TSNARE1: variants seen among roughly 807,000 people sequenced by gnomAD.
TSNARE1 encodes t-SNARE domain containing 1.
In TSNARE1, 49 loss-of-function variants were observed where a neutral mutation model predicts 62.0. The observed-to-expected ratio is 0.79, with a 90% CI of 0.63 to 1.00. The LOEUF (loss-of-function observed/expected upper bound fraction) is 1.00. Among genes scored for constraint, TSNARE1 ranks in the 50% least tolerant of loss-of-function variants. The probability of loss-of-function intolerance (pLI) is 0.00; values close to 1 mark genes in which losing one functional copy is unlikely to be tolerated. For missense variants in TSNARE1, 755 were observed against 700.1 expected (o/e 1.08, Z -0.88); for synonymous variants, 328 against 294.4 (o/e 1.11, Z -1.17).
At chr8:142,359,373 C>T (rs1044077480) in intron 1 of TSNARE1, among the ~76,000 whole-genome samples, 6 of 152,188 alleles carry the variant, frequency 3.9e-5, no homozygotes, top group African/African-American at 1.4e-4. Flanking sequence ...GCATCATCAC[C>T]CCAGCCCTGC....
intron 4 of TSNARE1, among the ~76,000 whole-genome samples, chr8:142,333,503 A>G (rs999678743): frequency 2.0e-5 from 3 of 152,030 alleles, no homozygotes; most frequent in African/African-American, 7.2e-5. Context: ...TGCCGAGGGG[A>G]CCCTCCCAAC....
intron 11 of TSNARE1, chr8:142,276,967 A>G (rs1030187885): frequency 1.0e-6 from 1 of 985,338 alleles, no homozygotes; most frequent in African/African-American, 1.7e-5. Context: ...CAGTGCACAG[A>G]GATGCACAAG....
intron 12 of TSNARE1, among the ~76,000 whole-genome samples, chr8:142,239,527 T>C (rs1817588412): frequency 1.3e-5 from 2 of 152,144 alleles, no homozygotes. Flanking sequence ...AAATACAAGA[T>C]TGAAATAAAG....
At chr8:142,251,191 C>A (rs1272291663) in intron 12 of TSNARE1, among the ~76,000 whole-genome samples, 1 of 151,982 alleles carries the variant, frequency 6.6e-6, no homozygotes, top group Non-Finnish European at 1.5e-5. Flanking sequence ...CCTACAGGCC[C>A]CCACCGCCTT....
At chr8:142,344,657 C>T (rs1039194683) in intron 3 of TSNARE1, among the ~76,000 whole-genome samples, 185 bp from the exon 4 acceptor site, 5 of 152,244 alleles carry the variant, frequency 3.3e-5, no homozygotes, top group Admixed American at 3.3e-4. Context: ...AGCCCTGACA[C>T]TGCCTCACCA....
At position 142,257,321 on chromosome 8, in the gene TSNARE1, C is replaced by T. The variant is rs117251831; in HGVS notation, c.1446+17460G>A. ...GACAGGACAAGGTCCTCTGCAGGGC[C>T]GGTGCTCAGGAGGGGCCTGCGGAGG... On this transcript the variant is annotated intron_variant, in intron 12 of 13. Transcript: ENST00000524325. 8.0e-4 allele frequency among the ~76,000 whole-genome samples: 122 copies of T among 152,252 alleles called. No homozygotes were observed. The East Asian group carries it at 0.023, about 29-fold the overall frequency.
At chr8:142,225,454 G>A (rs1189193717) in intron 13 of TSNARE1, among the ~76,000 whole-genome samples, 3 of 151,614 alleles carry the variant, frequency 2.0e-5, no homozygotes, top group Non-Finnish European at 2.9e-5. Flanking sequence ...CCTGCCAGGT[G>A]CTCACATGCG....
intron 12 of TSNARE1, among the ~76,000 whole-genome samples, chr8:142,260,681 C>T (rs771239929): frequency 4.6e-5 from 7 of 151,958 alleles, no homozygotes; most frequent in South Asian, 4.1e-4. Flanking sequence ...CTGAGTCCCC[C>T]GGGAAAGATC....
intron 9 of TSNARE1, among the ~76,000 whole-genome samples, chr8:142,313,103 C>T (rs879669032): frequency 3.6e-4 from 54 of 150,370 alleles, no homozygotes; most frequent in Admixed American, 1.1e-3. Flanking sequence ...TTCATGTCTG[C>T]GTGACTGTTT....
chr8:142,376,292 G>A (rs1303103309), intron 1 of TSNARE1, among the ~76,000 whole-genome samples: 1 of 152,200 alleles, frequency 6.6e-6, no homozygotes, highest in Non-Finnish European at 1.5e-5. Flanking sequence ...AGAACCGCAA[G>A]GGCGACCCTG....
At chr8:142,376,418 G>A (rs1836345748) in intron 1 of TSNARE1, among the ~76,000 whole-genome samples, 1 of 152,180 alleles carries the variant, frequency 6.6e-6, no homozygotes, top group African/African-American at 2.4e-5. Context: ...TGGTGAACAG[G>A]TCATGAGACA....
At chr8:142,382,020 C>A (rs1836793506) in intron 1 of TSNARE1, among the ~76,000 whole-genome samples, 1 of 152,180 alleles carries the variant, frequency 6.6e-6, no homozygotes, top group African/African-American at 2.4e-5. Context: ...TACACACAGG[C>A]CAGATGCTCG....
At chr8:142,321,961 C>T (rs1829542225) in intron 6 of TSNARE1, among the ~76,000 whole-genome samples, 1 of 152,138 alleles carries the variant, frequency 6.6e-6, no homozygotes, top group Admixed American at 6.6e-5. Flanking sequence ...GAAAGAAACC[C>T]ATATATCACT....
chr8:142,246,557 TG>T (rs1817891213), intron 12 of TSNARE1, among the ~76,000 whole-genome samples: 2 of 152,124 alleles, frequency 1.3e-5, no homozygotes, highest in African/African-American at 4.8e-5. Flanking sequence ...CTTAAAAGGT[TG>T]GGTCTTGGAC....
chr8:142,314,649 A>G (rs973205400), intron 8 of TSNARE1, among the ~76,000 whole-genome samples: 9 of 151,872 alleles, frequency 5.9e-5, no homozygotes, highest in South Asian at 2.1e-4. Flanking sequence ...AGAGGCTGCC[A>G]GGGCCGGGGC....
chr8:142,360,573 G>A (rs1835080946), intron 1 of TSNARE1, among the ~76,000 whole-genome samples: 1 of 152,126 alleles, frequency 6.6e-6, no homozygotes, highest in Non-Finnish European at 1.5e-5. Flanking sequence ...TTCCGTGCCC[G>A]CCGAGGCCAG....
intron 12 of TSNARE1, among the ~76,000 whole-genome samples, chr8:142,263,951 C>G (rs771820675): frequency 6.6e-6 from 1 of 152,208 alleles, no homozygotes; most frequent in African/African-American, 2.4e-5. Flanking sequence ...CCTGTCTTTA[C>G]AAGTTTCTTC....
At chr8:142,269,458 G>A (rs978362447) in intron 12 of TSNARE1, 183 of 985,338 alleles carry the variant, frequency 1.9e-4, no homozygotes, top group Non-Finnish European at 2.2e-4. Flanking sequence ...ACAGCCATAC[G>A]AGGCCACTGT....
chr8:142,265,550 G>A (rs1205944357), intron 12 of TSNARE1, among the ~76,000 whole-genome samples: 1 of 152,234 alleles, frequency 6.6e-6, no homozygotes, highest in East Asian at 1.9e-4. Flanking sequence ...AAGACACGAT[G>A]AACATCTGTG....
Sources: gnomAD v4.1 joint callset for allele counts (sites outside exome capture counted in the v4.1 genomes callset) on GRCh38, gnomAD v4.1.1 for gene constraint, MANE v1.5 for transcripts, NCBI Gene and HGNC (gene_info 2026-07-23, HGNC 2026-07-21) for gene names.